The following MEF2A variants were observed in gnomAD, a reference collection of about 807,000 sequenced individuals.
The protein encoded by MEF2A is myocyte-specific enhancer factor 2A.
In MEF2A, 28 loss-of-function variants were observed where a neutral mutation model predicts 55.8. The ratio of observed to expected loss-of-function variants is 0.50; its 90% CI spans 0.37 to 0.69. The LOEUF (loss-of-function observed/expected upper bound fraction) is 0.69, where lower values mean the gene tolerates loss of function less well. Among genes scored for constraint, MEF2A ranks in the 30% least tolerant of loss-of-function variants. The probability of loss-of-function intolerance (pLI) is 0.00; values close to 1 mark genes in which losing one functional copy is unlikely to be tolerated. For synonymous variants in MEF2A, 239 were observed against 227.1 expected (o/e 1.05, Z -0.47); for missense variants, 528 against 626.2 (o/e 0.84, Z 1.67).
At chr15:99,695,307 A>G (rs966456894) in intron 8 of MEF2A, among the ~76,000 whole-genome samples, 19 of 152,194 alleles carry the variant, frequency 1.2e-4, no homozygotes, top group African/African-American at 4.3e-4. Flanking sequence ...GATGAACTCA[A>G]GGTAACTAAA....
At position 99,712,124 on chromosome 15, in the gene MEF2A, TA is replaced by T. The variant is rs2058704926; in HGVS notation, c.1137-265del. 6.6e-6 allele frequency among the ~76,000 whole-genome samples: 1 copy of T among 152,226 alleles called. No homozygotes were observed. The highest frequency in any genetic ancestry group is 2.4e-5 in the African/African-American group (1 of 41,464). Reference sequence around the variant, plus strand: ...GCATTAAGACACTGACATTGTTTTGTATACTTTAGCTGCAAAAGTACCAACG... The same window carrying T: ...GCATTAAGACACTGACATTGTTTTGTTACTTTAGCTGCAAAAGTACCAACG... On this transcript the variant is annotated intron_variant, in intron 11 of 11. Transcript: ENST00000557942. This position sits in a 1 kb window ranked among gnomAD's most constrained non-coding sequence, Gnocchi z 4.1.
chr15:99,642,892 T>C (rs1229662599), intron 3 of MEF2A, among the ~76,000 whole-genome samples: 1 of 152,226 alleles, frequency 6.6e-6, no homozygotes, highest in Non-Finnish European at 1.5e-5. Flanking sequence ...GGATTCTTAC[T>C]TTCCTTGAAG....
At chr15:99,622,957 C>T (rs1238372480) in intron 2 of MEF2A, among the ~76,000 whole-genome samples, 3 of 152,116 alleles carry the variant, frequency 2.0e-5, no homozygotes, top group African/African-American at 7.2e-5. Context: ...GCCTCGGCCT[C>T]CCAAAGTGTT....
intron 1 of MEF2A, among the ~76,000 whole-genome samples, chr15:99,580,213 G>C (rs1283865467): frequency 6.6e-6 from 1 of 152,150 alleles, no homozygotes; most frequent in Admixed American, 6.5e-5. Context: ...GACAGTTTGA[G>C]GGATCAATGG....
chr15:99,656,287 C>T (rs182207028), intron 4 of MEF2A, among the ~76,000 whole-genome samples: 8 of 152,222 alleles, frequency 5.3e-5, no homozygotes, highest in African/African-American at 1.9e-4. Context: ...TATATTACTT[C>T]CAGCCTTTAG....
chr15:99,634,010 G>A (rs1234698904), intron 3 of MEF2A, among the ~76,000 whole-genome samples: 1 of 152,136 alleles, frequency 6.6e-6, no homozygotes, highest in Non-Finnish European at 1.5e-5. Context: ...CCTTAGTTCA[G>A]AAGAAAGAAG....
chr15:99,653,873 G>C (rs2047252577), intron 4 of MEF2A, among the ~76,000 whole-genome samples: 1 of 151,970 alleles, frequency 6.6e-6, no homozygotes, highest in South Asian at 2.1e-4. Context: ...CAAATATCTG[G>C]TTTATTTTGT....
Position 99,715,762 on chromosome 15 carries a change from T to TTAAAG in MEF2A, c.*2994_*2998dup, listed in dbSNP as rs1213276675. ...GCAAAAAAAGCTTAAATTGCACTGGTTAAAGTACAGTTTCCAACAGCTGTC... is the reference window on the plus strand; with the variant it reads ...GCAAAAAAAGCTTAAATTGCACTGGTTAAAGTAAAGTACAGTTTCCAACAGCTGTC... On this transcript the variant is annotated 3_prime_UTR_variant, in exon 12 of 12. Coordinates refer to ENST00000557942, the MANE Select transcript of MEF2A (RefSeq NM_001319206.4). 6.6e-6 allele frequency: 1 copy of TTAAAG among 152,212 alleles called. No individual in the cohort carries two copies. The highest frequency in any genetic ancestry group is 2.4e-5 in the African/African-American group (1 of 41,434). 9.4% of individuals were successfully genotyped at this position (152,212 alleles called of 1,614,324 possible). A position where few individuals can be genotyped will look rare whatever the true frequency, so the allele number is the denominator to read the frequency against.
intron 7 of MEF2A, among the ~76,000 whole-genome samples, chr15:99,682,063 A>G (rs1246375999): frequency 6.6e-6 from 1 of 152,272 alleles, no homozygotes; most frequent in Non-Finnish European, 1.5e-5. Flanking sequence ...AAGTTTGCAC[A>G]TCAGTTGGAC....
intron 9 of MEF2A, among the ~76,000 whole-genome samples, chr15:99,705,495 G>A (rs1431907272): frequency 6.6e-6 from 1 of 152,168 alleles, no homozygotes; most frequent in South Asian, 2.1e-4. Context: ...AGTTCAGAGA[G>A]GTCAAATTAT....
At chr15:99,626,365 G>C (rs1050118561) in intron 2 of MEF2A, among the ~76,000 whole-genome samples, 10 of 151,684 alleles carry the variant, frequency 6.6e-5, no homozygotes, top group Admixed American at 5.9e-4. Context: ...TTTCTTCCTA[G>C]TCAGTCTAGC....
At chr15:99,633,232 A>C in intron 3 of MEF2A, 59 bp downstream of exon 3, 1 of 1,210,132 alleles carries the variant, frequency 8.3e-7, no homozygotes, top group South Asian at 1.7e-5. Flanking sequence ...AAAAGAACAT[A>C]GGACAGAATG....
intron 4 of MEF2A, among the ~76,000 whole-genome samples, chr15:99,669,334 A>G (rs2050408880): frequency 6.6e-6 from 1 of 152,204 alleles, no homozygotes; most frequent in South Asian, 2.1e-4. Context: ...GGCACCTACT[A>G]TATTTGTTCT....
intron 3 of MEF2A, among the ~76,000 whole-genome samples, chr15:99,637,109 T>G (rs1481675365): frequency 6.6e-6 from 1 of 152,060 alleles, no homozygotes; most frequent in Non-Finnish European, 1.5e-5. Flanking sequence ...GGTGGTGTAG[T>G]TCTGCACCTT....
chr15:99,660,478 G>A (rs78350132), intron 4 of MEF2A, among the ~76,000 whole-genome samples: 10 of 152,124 alleles, frequency 6.6e-5, no homozygotes, highest in East Asian at 1.9e-4. Context: ...CATAATCTTC[G>A]TACTCTTTCT....
chr15:99,696,922 A>G (rs983068304), intron 8 of MEF2A, among the ~76,000 whole-genome samples: 1 of 152,282 alleles, frequency 6.6e-6, no homozygotes, highest in Middle Eastern at 3.4e-3. Flanking sequence ...AAGTAAGTAA[A>G]TTGAGCAATA....
intron 4 of MEF2A, among the ~76,000 whole-genome samples, chr15:99,666,254 G>C (rs1037025804): frequency 6.6e-6 from 1 of 151,984 alleles, no homozygotes. Flanking sequence ...ATACTATGCA[G>C]CCATAAAAAA....
chr15:99,605,241 T>G (rs1261527156), intron 2 of MEF2A, among the ~76,000 whole-genome samples: 1 of 152,166 alleles, frequency 6.6e-6, no homozygotes, highest in Admixed American at 6.5e-5. Flanking sequence ...AGCTGCTGCG[T>G]CCTGCCTCTC....
intron 1 of MEF2A, among the ~76,000 whole-genome samples, chr15:99,593,287 C>T (rs914685568): frequency 3.3e-5 from 5 of 152,128 alleles, no homozygotes; most frequent in African/African-American, 1.2e-4. Context: ...TCTGCACTGT[C>T]GTCCTGACTG....
Sources: allele counts gnomAD v4.1 joint callset (sites outside exome capture counted in the v4.1 genomes callset), GRCh38; gene constraint gnomAD v4.1.1; non-coding constraint Gnocchi (gnomAD v3.1); transcripts MANE v1.5; gene names NCBI Gene and HGNC (gene_info 2026-07-23, HGNC 2026-07-21).